The following P2RX4 variants were observed in gnomAD, a reference collection of about 807,000 sequenced individuals.
The protein encoded by P2RX4 is purinergic receptor P2X 4, also known as P2X purinoceptor 4.
In P2RX4, 37 loss-of-function variants were observed where a neutral mutation model predicts 48.0. The ratio of observed to expected loss-of-function variants is 0.77; its 90% CI spans 0.59 to 1.01. P2RX4 has a LOEUF of 1.01. Ranked by LOEUF, P2RX4 falls within the 50% of genes least tolerant of loss-of-function variation. The probability of loss-of-function intolerance (pLI) is 0.00; values close to 1 mark genes in which losing one functional copy is unlikely to be tolerated. For synonymous variants in P2RX4, 200 were observed against 199.7 expected (o/e 1.00, Z -0.01); for missense variants, 501 against 521.4 (o/e 0.96, Z 0.38).
chr12:121,223,358 G>A, intron 5 of P2RX4: 1 of 362,234 alleles, frequency 2.8e-6, no homozygotes, highest in South Asian at 2.4e-5. Flanking sequence ...TTACAGGCGG[G>A]AGCCACCACA....
intron 2 of P2RX4, among the ~76,000 whole-genome samples, chr12:121,221,636 G>A (rs1271328986): frequency 1.3e-5 from 2 of 149,112 alleles, no homozygotes; most frequent in African/African-American, 2.5e-5. Flanking sequence ...CTCGTGATCC[G>A]CCCGCCTCAG....
chr12:121,230,927 T>C (rs1224245262), intron 8 of P2RX4, among the ~76,000 whole-genome samples: 2 of 144,594 alleles, frequency 1.4e-5, no homozygotes, highest in Admixed American at 1.4e-4. Context: ...TATGTATATG[T>C]ATATATGTGT....
intron 8 of P2RX4, among the ~76,000 whole-genome samples, chr12:121,230,210 T>C (rs12298365): frequency 0.15 from 22,240 of 152,122 alleles, 1,884 homozygotes; most frequent in East Asian, 0.28. Context: ...CGAAACCCCA[T>C]CTCTACTAAA....
chr12:121,222,051 G>A, intron 3 of P2RX4, 43 bp from the exon 4 acceptor site: 1 of 1,601,908 alleles, frequency 6.2e-7, no homozygotes, highest in Non-Finnish European at 8.6e-7. Context: ...CTGTGTGTGG[G>A]GCCGGGCCAC....
At chr12:121,218,432 C>T (rs1249804450) in intron 2 of P2RX4, among the ~76,000 whole-genome samples, 1 of 151,864 alleles carries the variant, frequency 6.6e-6, no homozygotes, top group African/African-American at 2.4e-5. Context: ...TGTAGTGAGC[C>T]GAGATAGTGC....
rs1255307358 is a variant in P2RX4 at position 121,229,464 on chromosome 12, C to T, written c.884+365C>T. Reference sequence around the variant, plus strand: ...TTGTGATCCTCCAGTCCAAAGGCCTCTGGGGCCTGGCCCAGGAATTGGTTT... The same window carrying T: ...TTGTGATCCTCCAGTCCAAAGGCCTTTGGGGCCTGGCCCAGGAATTGGTTT... On this transcript the variant is annotated intron_variant, in intron 8 of 11. Transcript: ENST00000337233. The surrounding 1 kb of genome is among the most constrained non-coding windows in gnomAD (Gnocchi z 4.6). 6.6e-6 allele frequency among the ~76,000 whole-genome samples: 1 copy of T among 152,216 alleles called. No individual in the cohort carries two copies. The highest frequency in any genetic ancestry group is 6.5e-5 in the Admixed American group (1 of 15,284).
intron 2 of P2RX4, among the ~76,000 whole-genome samples, chr12:121,217,797 TAG>T (rs1886334251): frequency 6.8e-6 from 1 of 147,986 alleles, no homozygotes; most frequent in South Asian, 2.1e-4. Flanking sequence ...AGAAAAGAAT[TAG>T]AGACCATTAG....
chr12:121,221,886 C>T (rs370476761), intron 2 of P2RX4, 27 bp from the exon 3 acceptor site: 73 of 1,609,332 alleles, frequency 4.5e-5, no homozygotes, highest in Admixed American at 1.7e-4. Flanking sequence ...CTGAGCGTGG[C>T]TTGCCCGTGC....
At chr12:121,216,981 T>G (rs1308945091) in intron 1 of P2RX4, 153 bp from the exon 2 acceptor site, 2 of 791,290 alleles carry the variant, frequency 2.5e-6, no homozygotes, top group East Asian at 2.5e-5. Flanking sequence ...TTGGCAGAAG[T>G]GGAAATGGAG....
At chr12:121,211,721 C>A (rs989540069) in intron 1 of P2RX4, among the ~76,000 whole-genome samples, 9 of 152,030 alleles carry the variant, frequency 5.9e-5, no homozygotes, top group Non-Finnish European at 1.2e-4. Context: ...GTCGCCCAGG[C>A]TGGAGTGCAG....
At position 121,229,584 on chromosome 12, in the gene P2RX4, T is replaced by A. The variant is rs185412156; in HGVS notation, c.884+485T>A. Among the ~76,000 whole-genome samples the A allele has an allele frequency of 7.2e-4, 110 of 152,118 alleles. No homozygotes were observed. The South Asian group carries it at 9.4e-3, about 13-fold the overall frequency. On this transcript the variant is annotated intron_variant, in intron 8 of 11. Coordinates refer to ENST00000337233, the MANE Select transcript of P2RX4 (RefSeq NM_002560.3). This position sits in a 1 kb window ranked among gnomAD's most constrained non-coding sequence, Gnocchi z 4.6. ...TTGCTGGGTTCCCTGCTGCAAATGC[T>A]GGCATCTCGGTGTCCTGGGGCAGAT... is the stretch of plus-strand genomic sequence containing the variant.
chr12:121,222,187 G>A (rs1886664321), intron 4 of P2RX4, 21 bp downstream of exon 4: 8 of 1,557,642 alleles, frequency 5.1e-6, no homozygotes, highest in South Asian at 1.1e-5. Flanking sequence ...GTGGCCTCCT[G>A]GGGAGGGCGG....
At chr12:121,212,966 A>G (rs1296624897) in intron 1 of P2RX4, 2 of 151,184 alleles carry the variant, frequency 1.3e-5, no homozygotes, top group African/African-American at 2.4e-5. Context: ...ATCAGTGCAC[A>G]TCTACCTTAG....
At position 121,229,616 on chromosome 12, in the gene P2RX4, G is replaced by A. The variant is rs1402980557; in HGVS notation, c.884+517G>A. Among the ~76,000 whole-genome samples, 1 of 152,052 alleles carries A rather than the reference G, an allele frequency of 6.6e-6. No individual in the cohort carries two copies. The highest frequency in any genetic ancestry group is 1.5e-5 in the Non-Finnish European group (1 of 68,016). ...TCGGTGTCCTGGGGCAGATGTAAGC[G>A]AGTCCCACAAACAGTGGCTTGCAAC... is the stretch of plus-strand genomic sequence containing the variant. On this transcript the variant is annotated intron_variant, in intron 8 of 11. Coordinates refer to ENST00000337233, the MANE Select transcript of P2RX4 (RefSeq NM_002560.3). The surrounding 1 kb of genome is among the most constrained non-coding windows in gnomAD (Gnocchi z 4.6).
chr12:121,219,466 T>C (rs1319610178), intron 2 of P2RX4, among the ~76,000 whole-genome samples: 1 of 151,824 alleles, frequency 6.6e-6, no homozygotes, highest in Non-Finnish European at 1.5e-5. Context: ...CGCAGTGGCT[T>C]ACGCCTGTAG....
intron 5 of P2RX4, among the ~76,000 whole-genome samples, chr12:121,227,423 C>T (rs1887042966): frequency 6.6e-6 from 1 of 152,252 alleles, no homozygotes; most frequent in South Asian, 2.1e-4. Flanking sequence ...GGCCGGCGCA[C>T]CTGCTGGCGG....
Position 121,232,146 on chromosome 12 carries a change from G to A in P2RX4, c.885-268G>A, listed in dbSNP as rs544643148. Among the ~76,000 whole-genome samples the A allele has an allele frequency of 3.0e-4, 45 of 152,210 alleles. No individual in the cohort carries two copies. The highest frequency in any genetic ancestry group is 1.1e-3 in the African/African-American group (45 of 41,528). ...TGAGGGAGGCAGGCAGGATGTACCA[G>A]GTGGGATGTTGAGAGCAAACTGTTC... is the stretch of plus-strand genomic sequence containing the variant. On this transcript the variant is annotated intron_variant, in intron 8 of 11. Transcript: ENST00000337233. The surrounding 1 kb of genome is among the most constrained non-coding windows in gnomAD (Gnocchi z 4.3).
At position 121,229,163 on chromosome 12, in the gene P2RX4, G is replaced by C; in HGVS notation, c.884+64G>C. 1 of 1,593,222 alleles carries C rather than the reference G, an allele frequency of 6.3e-7. No individual in the cohort carries two copies. The highest frequency in any genetic ancestry group is 8.6e-7 in the Non-Finnish European group (1 of 1,162,196). The stretch of plus-strand genomic sequence containing the variant: ...GGTGCTGGTGGCTGCGTACGTGCCA[G>C]TGGGCCGCCCACTGAAGACCAGCAC... On this transcript the variant is annotated intron_variant, in intron 8 of 11. Transcript: ENST00000337233. This position sits in a 1 kb window ranked among gnomAD's most constrained non-coding sequence, Gnocchi z 4.6.
At chr12:121,228,367 CAAAAAAA>C (rs1178066693) in intron 5 of P2RX4, among the ~76,000 whole-genome samples, 159 bp from the exon 6 acceptor site, 20 of 81,036 alleles carry the variant, frequency 2.5e-4, no homozygotes, top group African/African-American at 8.9e-4. Context: ...GACTCCATCT[CAAAAAAA>C]AAAAAAAAAA....
Sources: gnomAD v4.1 joint callset for allele counts (sites outside exome capture counted in the v4.1 genomes callset) on GRCh38, gnomAD v4.1.1 for gene constraint, Gnocchi (gnomAD v3.1) non-coding constraint, MANE v1.5 for transcripts, NCBI Gene and HGNC (gene_info 2026-07-23, HGNC 2026-07-21) for gene names.